MBD2: variants seen among roughly 807,000 people sequenced by gnomAD.
MBD2 encodes the protein methyl-CpG binding domain protein 2, also known as methyl-CpG-binding domain protein 2.
A neutral mutation model predicts 39.3 loss-of-function variants in MBD2; 9 were observed. The observed-to-expected ratio is 0.23, with a 90% confidence interval of 0.14 to 0.40. The LOEUF is 0.40. Ranked by LOEUF, MBD2 falls within the 10% of genes least tolerant of loss-of-function variation. The pLI is 1.00. For missense variants in MBD2, 458 were observed against 532.6 expected (o/e 0.86, Z 1.38); for synonymous variants, 233 against 211.1 (o/e 1.10, Z -0.90).
chr18:54,210,863 T>C (rs60268865), intron 1 of MBD2, among the ~76,000 whole-genome samples: 16,248 of 145,688 alleles, frequency 0.11, 1,069 homozygotes, highest in Non-Finnish European at 0.16. Context: ...ACATCAACTT[T>C]CTATTTTTTT....
intron 2 of MBD2, among the ~76,000 whole-genome samples, chr18:54,203,283 G>A (rs1208805979): frequency 6.6e-6 from 1 of 152,088 alleles, no homozygotes; most frequent in Admixed American, 6.5e-5. Context: ...CCTTTTATAG[G>A]TACCCAGCAC....
chr18:54,202,878 C>T (rs775261634), intron 2 of MBD2: 18 of 1,257,420 alleles, frequency 1.4e-5, no homozygotes, highest in Non-Finnish European at 1.8e-5. Flanking sequence ...AATACAATGG[C>T]AAAGCACCAG....
At chr18:54,189,504 G>A (rs1056299824) in intron 2 of MBD2, among the ~76,000 whole-genome samples, 4 of 152,112 alleles carry the variant, frequency 2.6e-5, no homozygotes, top group African/African-American at 9.7e-5. Context: ...TTACAGGCGT[G>A]AGCCACCGCG....
chr18:54,157,077 T>C (rs2086057347), intron 6 of MBD2, among the ~76,000 whole-genome samples: 1 of 152,030 alleles, frequency 6.6e-6, no homozygotes, highest in South Asian at 2.1e-4. Flanking sequence ...GCTGCAGCCG[T>C]GGACAGTAGA....
chr18:54,184,619 A>G (rs986614397), intron 3 of MBD2, among the ~76,000 whole-genome samples: 3 of 152,224 alleles, frequency 2.0e-5, no homozygotes, highest in African/African-American at 7.2e-5. Context: ...CACACTAATT[A>G]TATTTCTGGG....
chr18:54,222,854 T>C (rs989711700), intron 1 of MBD2, among the ~76,000 whole-genome samples: 1 of 152,274 alleles, frequency 6.6e-6, no homozygotes, highest in Admixed American at 6.5e-5. Flanking sequence ...TATATGTGTA[T>C]GTACATTTCT....
intron 2 of MBD2, among the ~76,000 whole-genome samples, chr18:54,193,929 T>G (rs746046997): frequency 7.2e-5 from 11 of 152,100 alleles, no homozygotes; most frequent in Non-Finnish European, 1.3e-4. Context: ...TGACTTTCCA[T>G]GAAAACCAAG....
chr18:54,203,838 C>T (rs1244228312), intron 2 of MBD2, among the ~76,000 whole-genome samples: 1 of 152,138 alleles, frequency 6.6e-6, no homozygotes, highest in East Asian at 1.9e-4. Flanking sequence ...AGGGAACGAG[C>T]AGTGTGGAAA....
intron 3 of MBD2, among the ~76,000 whole-genome samples, chr18:54,180,985 C>T (rs535819904): frequency 3.2e-4 from 47 of 148,400 alleles, no homozygotes; most frequent in African/African-American, 1.2e-3. Flanking sequence ...CAACCACTGC[C>T]TCCTGGGTTC....
intron 1 of MBD2, among the ~76,000 whole-genome samples, chr18:54,215,447 CAT>C (rs2086549018): frequency 6.6e-6 from 1 of 151,374 alleles, no homozygotes; most frequent in Non-Finnish European, 1.5e-5. Context: ...TAGATAGAAA[CAT>C]AGCCTCCCAA....
chr18:54,203,111 G>A (rs949771426), intron 2 of MBD2: 1 of 1,612,442 alleles, frequency 6.2e-7, no homozygotes, highest in African/African-American at 1.3e-5. Context: ...AGCTAGAGCA[G>A]AAAAGTGCAC....
chr18:54,160,650 TAA>T (rs574101659), intron 5 of MBD2, among the ~76,000 whole-genome samples: 19 of 74,454 alleles, frequency 2.6e-4, no homozygotes, highest in Non-Finnish European at 3.7e-4. Context: ...CTTTAAAAAG[TAA>T]AAAAAAAAAA....
At chr18:54,196,345 A>G (rs1191014148) in intron 2 of MBD2, among the ~76,000 whole-genome samples, 1 of 152,186 alleles carries the variant, frequency 6.6e-6, no homozygotes, top group Non-Finnish European at 1.5e-5. Context: ...AATGATTACA[A>G]TTCATCAATG....
At chr18:54,186,004 G>C (rs1450844249) in intron 3 of MBD2, among the ~76,000 whole-genome samples, 1 of 151,954 alleles carries the variant, frequency 6.6e-6, no homozygotes, top group Non-Finnish European at 1.5e-5. Context: ...ATTCAAATTA[G>C]GCTGCCATAT....
intron 5 of MBD2, among the ~76,000 whole-genome samples, chr18:54,162,967 T>G (rs565715687): frequency 6.6e-6 from 1 of 152,100 alleles, no homozygotes; most frequent in Non-Finnish European, 1.5e-5. Flanking sequence ...TGGATTTTTT[T>G]AAAAAATACA....
Position 54,224,199 on chromosome 18 carries a change from CGCCGCCGCCACCGCT to C in MBD2, c.346_360del (p.Ser116_Gly120del), listed in dbSNP as rs1216502878. On this transcript the variant is annotated inframe_deletion, in exon 1 of 7. Transcript: ENST00000256429. ...AAAGGGACCGGCTCCCGCCGGGGGG[CGCCGCCGCCACCGCT>C]GCCGCCGCCGCCGCAGCCGCCGCCG... The C allele has an allele frequency of 3.3e-6, 4 of 1,202,748 alleles. No homozygotes were observed. Among genetic ancestry groups the C allele is most frequent in the South Asian group, 4.0e-5 (1 of 24,692 alleles). The allele number at this position is 1,202,748 out of a possible 1,614,324, so 74.5% of individuals were successfully genotyped here. A position where few individuals can be genotyped will look rare whatever the true frequency, so the allele number is the denominator to read the frequency against.
At position 54,224,630 on chromosome 18, in the gene MBD2, G is replaced by C; in HGVS notation, c.-71C>G. ...CCTTGGAATCCCGGAGACCCGCCCC[G>C]CCCGCAGCGCGGCGCGCGGGGGACG... is the stretch of plus-strand genomic sequence containing the variant. On this transcript the variant is annotated 5_prime_UTR_variant, in exon 1 of 7. Coordinates refer to ENST00000256429, the MANE Select transcript of MBD2 (RefSeq NM_003927.5). The C allele has an allele frequency of 9.0e-7, 1 of 1,108,236 alleles. No homozygotes were observed. The allele number at this position is 1,108,236 out of a possible 1,614,324, so 68.7% of individuals were successfully genotyped here. A position where few individuals can be genotyped will look rare whatever the true frequency, so the allele number is the denominator to read the frequency against.
Position 54,159,863 on chromosome 18 carries a change from C to T in MBD2, c.1150G>A (p.Glu384Lys). ...AAGATGTCTGCCATCAGTGCTTCTT[C>T]CAATTTCTTGCGTACTTGCTGTACT... ...ERVQQVRKKLEEALMADILSR... is the reference protein window; with the variant it reads ...ERVQQVRKKLKEALMADILSR... Residue 384 changes from glutamate (E) to lysine (K), a missense_variant, in exon 6 of 7, where the codon GAA becomes AAA. Glu to Lys is a moderately conservative substitution (Grantham distance 56, BLOSUM62 1). Around this residue, in one of 2 missense-constraint regions of MBD2, gnomAD observed 189 missense variants for 296.6 expected, o/e 0.64. Coordinates refer to ENST00000256429, the MANE Select transcript of MBD2 (RefSeq NM_003927.5). The T allele has an allele frequency of 6.2e-7, 1 of 1,612,892 alleles. No individual in the cohort carries two copies. Among genetic ancestry groups the T allele is most frequent in the Non-Finnish European group, 8.5e-7 (1 of 1,180,010 alleles).
chr18:54,168,838 G>A (rs1173950145), intron 3 of MBD2, among the ~76,000 whole-genome samples: 1 of 151,876 alleles, frequency 6.6e-6, no homozygotes, highest in Admixed American at 6.6e-5. Context: ...AACTGAAACA[G>A]TCCTCAGGCG....
Sources: gnomAD v4.1 joint callset for allele counts (sites outside exome capture counted in the v4.1 genomes callset) on GRCh38, gnomAD v4.1.1 for gene constraint, gnomAD v4.1.1 regional missense constraint, MANE v1.5 for transcripts, NCBI Gene and HGNC (gene_info 2026-07-23, HGNC 2026-07-21) for gene names.